Variants in AGBL1 observed in about 807,000 individuals in gnomAD.
AGBL1 encodes the protein cytosolic carboxypeptidase 4.
Under a neutral mutation model 118.9 loss-of-function variants are expected in AGBL1, and 130 were observed. That is an observed-to-expected ratio of 1.09 (90% CI 0.95 to 1.26). The LOEUF (loss-of-function observed/expected upper bound fraction) is 1.26, where lower values mean the gene tolerates loss of function less well. Among genes scored for constraint, AGBL1 ranks in the 50% most tolerant of loss-of-function variants. AGBL1 has a pLI of 0.00. For synonymous variants in AGBL1, 555 were observed against 478.9 expected (o/e 1.16, Z -2.08); for missense variants, 1,584 against 1,298.1 (o/e 1.22, Z -3.38).
At chr15:86,686,179 A>G (rs550123883) in intron 22 of AGBL1, among the ~76,000 whole-genome samples, 2 of 152,298 alleles carry the variant, frequency 1.3e-5, no homozygotes, top group South Asian at 2.1e-4. Flanking sequence ...GATATTGGCT[A>G]TTGAATGTTT....
intron 5 of AGBL1, among the ~76,000 whole-genome samples, chr15:86,174,772 C>T (rs1327911179): frequency 6.6e-6 from 1 of 152,046 alleles, no homozygotes; most frequent in Non-Finnish European, 1.5e-5. Context: ...TTTTATCTTC[C>T]ATTCTGTTTA....
chr15:86,455,831 A>T (rs539911136), intron 18 of AGBL1, among the ~76,000 whole-genome samples: 1 of 152,286 alleles, frequency 6.6e-6, no homozygotes, highest in Non-Finnish European at 1.5e-5. Flanking sequence ...TTATAGAGGT[A>T]GTAAGTGGCA....
intron 18 of AGBL1, among the ~76,000 whole-genome samples, chr15:86,505,029 A>G (rs2082958868): frequency 6.6e-6 from 1 of 151,778 alleles, no homozygotes. Context: ...TTTGCTAAGT[A>G]TAGAATTCTT....
At chr15:86,398,526 A>G (rs368590661) in intron 18 of AGBL1, among the ~76,000 whole-genome samples, 135 of 152,264 alleles carry the variant, frequency 8.9e-4, no homozygotes, top group African/African-American at 3.0e-3. Context: ...AAGAAGCAAA[A>G]AAGAAGTTTA....
intron 21 of AGBL1, among the ~76,000 whole-genome samples, chr15:86,667,202 C>CTATG (rs760570520): frequency 1.5e-5 from 2 of 130,780 alleles, no homozygotes; most frequent in East Asian, 6.2e-4. Context: ...ATTGAGATAT[C>CTATG]TATGTATGTA....
chr15:86,817,007 C>T (rs943141411), intron 22 of AGBL1, among the ~76,000 whole-genome samples: 2 of 152,022 alleles, frequency 1.3e-5, no homozygotes, highest in Non-Finnish European at 2.9e-5. Flanking sequence ...AGGACAAGAT[C>T]CCAGACCTCT....
intron 6 of AGBL1, among the ~76,000 whole-genome samples, chr15:86,233,107 C>T (rs182333385): frequency 2.8e-4 from 42 of 152,214 alleles, no homozygotes; most frequent in African/African-American, 9.4e-4. Context: ...ACATGGTAAA[C>T]GAAGAGCTAA....
intron 17 of AGBL1, among the ~76,000 whole-genome samples, chr15:86,315,588 C>T (rs182646193): frequency 4.0e-5 from 6 of 151,728 alleles, no homozygotes; most frequent in East Asian, 3.9e-4. Flanking sequence ...TGAGGTGGTG[C>T]GCGCCTGTAG....
intron 17 of AGBL1, among the ~76,000 whole-genome samples, chr15:86,309,584 ATAAC>A (rs1297033171): frequency 3.3e-5 from 5 of 152,202 alleles, no homozygotes; most frequent in South Asian, 2.1e-4. Context: ...AGTTTCTTCT[ATAAC>A]TAATTTATTG....
At chr15:86,588,754 C>G (rs953653102) in intron 21 of AGBL1, among the ~76,000 whole-genome samples, 1 of 152,142 alleles carries the variant, frequency 6.6e-6, no homozygotes, top group Non-Finnish European at 1.5e-5. Flanking sequence ...AGAATTAAAC[C>G]TGACCCTATG....
intron 18 of AGBL1, among the ~76,000 whole-genome samples, chr15:86,471,699 C>T (rs2082481601): frequency 6.6e-6 from 1 of 152,078 alleles, no homozygotes; most frequent in Admixed American, 6.6e-5. Context: ...CTCTTTAGGG[C>T]ATTCCAGTGC....
At chr15:86,724,600 G>GCTCCATTTTTAGCATA (rs2086791327) in intron 22 of AGBL1, among the ~76,000 whole-genome samples, 2 of 152,140 alleles carry the variant, frequency 1.3e-5, no homozygotes, top group South Asian at 4.1e-4. Context: ...GAGGATATTT[G>GCTCCATTTTTAGCATA]CTCCATTTTT....
chr15:86,432,388 G>A (rs1232864772), intron 18 of AGBL1, among the ~76,000 whole-genome samples: 4 of 152,154 alleles, frequency 2.6e-5, no homozygotes, highest in Non-Finnish European at 4.4e-5. Flanking sequence ...CGATAGTTTT[G>A]AGGAGTCCTG....
chr15:86,519,562 T>G (rs2083161170), intron 18 of AGBL1, among the ~76,000 whole-genome samples: 1 of 152,176 alleles, frequency 6.6e-6, no homozygotes, highest in South Asian at 2.1e-4. Flanking sequence ...GGATTCACTT[T>G]AAAAGGAAAA....
intron 17 of AGBL1, among the ~76,000 whole-genome samples, chr15:86,337,705 G>A (rs939759433): frequency 2.6e-5 from 4 of 152,084 alleles, no homozygotes; most frequent in Admixed American, 1.3e-4. Context: ...GGGGCCTGTC[G>A]AGGGAGGGTG....
At chr15:86,897,026 A>G (rs572591258) in intron 22 of AGBL1, among the ~76,000 whole-genome samples, 88 of 152,312 alleles carry the variant, frequency 5.8e-4, no homozygotes, top group Admixed American at 1.4e-3. Context: ...TTTCTTTTGC[A>G]AAACAATTTG....
At chr15:86,548,976 CA>C (rs2083627141) in intron 20 of AGBL1, among the ~76,000 whole-genome samples, 1 of 151,966 alleles carries the variant, frequency 6.6e-6, no homozygotes, top group South Asian at 2.1e-4. Flanking sequence ...GGAAAAGAGT[CA>C]GGGGGAGGTG....
chr15:86,698,823 G>A (rs1398086004), intron 22 of AGBL1, among the ~76,000 whole-genome samples: 1 of 151,668 alleles, frequency 6.6e-6, no homozygotes, highest in Non-Finnish European at 1.5e-5. Flanking sequence ...TTAATGAAAT[G>A]GATTTTGAAG....
chr15:86,279,567 G>A, intron 15 of AGBL1, 72 bp from the exon 16 acceptor site: 1 of 1,449,930 alleles, frequency 6.9e-7, no homozygotes, highest in Non-Finnish European at 9.6e-7. Flanking sequence ...ATAGCATCTA[G>A]GACCCTAAAT....
Sources: gnomAD v4.1 joint callset for allele counts (sites outside exome capture counted in the v4.1 genomes callset) on GRCh38, gnomAD v4.1.1 for gene constraint, MANE v1.5 for transcripts, NCBI Gene and HGNC (gene_info 2026-07-23, HGNC 2026-07-21) for gene names.